PPFIA2: variants seen among roughly 807,000 people sequenced by gnomAD.
PPFIA2 encodes the protein liprin-alpha-2.
A neutral mutation model predicts 175.5 loss-of-function variants in PPFIA2; 46 were observed. That is an observed-to-expected ratio of 0.26 (90% CI 0.21 to 0.34). The LOEUF is 0.34. PPFIA2 is among the 10% of genes least tolerant of loss of function. The pLI, the probability that PPFIA2 is intolerant of heterozygous loss-of-function variation, is 1.00. For missense variants in PPFIA2, 1,179 were observed against 1,506.1 expected (o/e 0.78, Z 3.60); for synonymous variants, 568 against 511.4 (o/e 1.11, Z -1.49).
chr12:81,708,033 G>T (rs897948110), intron 3 of PPFIA2, among the ~76,000 whole-genome samples: 6 of 109,612 alleles, frequency 5.5e-5, no homozygotes, highest in Non-Finnish European at 1.1e-4. Flanking sequence ...GGGGTGGGGG[G>T]AGGGGGGAGG....
intron 5 of PPFIA2, among the ~76,000 whole-genome samples, chr12:81,450,665 T>C (rs2052383236): frequency 6.6e-6 from 1 of 152,236 alleles, no homozygotes; most frequent in South Asian, 2.1e-4. Flanking sequence ...TTGTCAATTT[T>C]GGCTTTTGTT....
chr12:81,586,213 A>G (rs1472819676), intron 4 of PPFIA2, among the ~76,000 whole-genome samples: 1 of 152,016 alleles, frequency 6.6e-6, no homozygotes, highest in Non-Finnish European at 1.5e-5. Context: ...CTTCACCAAA[A>G]TAATTACAAT....
intron 23 of PPFIA2, chr12:81,296,584 A>C (rs573264275): frequency 6.7e-6 from 1 of 148,834 alleles, no homozygotes; most frequent in Non-Finnish European, 1.5e-5. Flanking sequence ...TTTGTTTTTG[A>C]ATGTCCAAAA....
At chr12:81,575,169 G>A (rs141748956) in intron 4 of PPFIA2, among the ~76,000 whole-genome samples, 56 of 151,876 alleles carry the variant, frequency 3.7e-4, no homozygotes, top group East Asian at 3.5e-3. Context: ...GTAAATGCAC[G>A]TTTAATCATT....
chr12:81,393,025 C>A (rs2040437994), intron 8 of PPFIA2, among the ~76,000 whole-genome samples: 1 of 152,028 alleles, frequency 6.6e-6, no homozygotes, highest in African/African-American at 2.4e-5. Context: ...CTGTAACAAT[C>A]TTGTAACTGG....
chr12:81,512,369 A>G (rs998395165), intron 4 of PPFIA2: 50 of 1,288,138 alleles, frequency 3.9e-5, no homozygotes, highest in Non-Finnish European at 5.1e-5. Flanking sequence ...AATTACTTAC[A>G]TTCTCTGAGC....
chr12:81,411,731 C>T (rs773525128), intron 7 of PPFIA2, among the ~76,000 whole-genome samples: 1 of 151,966 alleles, frequency 6.6e-6, no homozygotes, highest in African/African-American at 2.4e-5. Flanking sequence ...ACATACCAGG[C>T]GTTAGGGAAA....
chr12:81,350,469 G>A (rs2059824699), intron 17 of PPFIA2: 1 of 152,098 alleles, frequency 6.6e-6, no homozygotes, highest in Admixed American at 6.6e-5. Flanking sequence ...AGCTGTCCAT[G>A]GTGAGTAAGG....
chr12:81,606,507 C>T lies in PPFIA2; in HGVS notation c.303+70284G>A, dbSNP rs575781279. On this transcript the variant is annotated intron_variant, in intron 4 of 32. Transcript: ENST00000549396. ...TTGTTTCCTGGCTTTGTAGTAATAGCGATTTTGCCTGGTGTGAGATAGTAT... is the reference window on the plus strand; with the variant it reads ...TTGTTTCCTGGCTTTGTAGTAATAGTGATTTTGCCTGGTGTGAGATAGTAT... Among the ~76,000 whole-genome samples the T allele has an allele frequency of 4.6e-5, 7 of 152,110 alleles. No individual in the cohort carries two copies. In the South Asian group the frequency reaches 1.0e-3, roughly 23 times the overall value.
chr12:81,652,722 T>C (rs550356740), intron 4 of PPFIA2, among the ~76,000 whole-genome samples: 47 of 152,226 alleles, frequency 3.1e-4, no homozygotes, highest in African/African-American at 9.6e-4. Context: ...TCCTCCCATC[T>C]TTCTACTTGC....
At chr12:81,653,224 A>G (rs1435950778) in intron 4 of PPFIA2, among the ~76,000 whole-genome samples, 1 of 151,880 alleles carries the variant, frequency 6.6e-6, no homozygotes, top group African/African-American at 2.4e-5. Flanking sequence ...CACTTCCATC[A>G]TTTTCCATAG....
intron 4 of PPFIA2, among the ~76,000 whole-genome samples, chr12:81,639,531 T>C (rs1595885222): frequency 1.3e-5 from 2 of 149,208 alleles, no homozygotes; most frequent in East Asian, 2.4e-4. Context: ...ACAAAGAACA[T>C]CTACTCGGTA....
intron 4 of PPFIA2, among the ~76,000 whole-genome samples, chr12:81,509,697 C>T (rs1567127110): frequency 6.6e-6 from 1 of 151,824 alleles, no homozygotes; most frequent in African/African-American, 2.4e-5. Flanking sequence ...CACCTCTACT[C>T]ACTTCTACAA....
At chr12:81,614,664 TC>T (rs2061271198) in intron 4 of PPFIA2, among the ~76,000 whole-genome samples, 1 of 152,132 alleles carries the variant, frequency 6.6e-6, no homozygotes, top group Non-Finnish European at 1.5e-5. Flanking sequence ...TTTTACTTTT[TC>T]CAAGAATTTT....
At chr12:81,657,436 C>T (rs1233291514) in intron 4 of PPFIA2, among the ~76,000 whole-genome samples, 1 of 152,120 alleles carries the variant, frequency 6.6e-6, no homozygotes, top group Non-Finnish European at 1.5e-5. Flanking sequence ...CGTCCTGTTG[C>T]CTCGGGCTAT....
chr12:81,616,416 A>G (rs1368834890), intron 4 of PPFIA2, among the ~76,000 whole-genome samples: 5 of 152,170 alleles, frequency 3.3e-5, no homozygotes, highest in African/African-American at 1.2e-4. Context: ...GTATATTATT[A>G]ATTAAAATGA....
At chr12:81,573,849 G>A (rs1053794181) in intron 4 of PPFIA2, among the ~76,000 whole-genome samples, 2 of 151,718 alleles carry the variant, frequency 1.3e-5, no homozygotes, top group African/African-American at 4.8e-5. Context: ...CGACTCCAAG[G>A]TCCTACTGTG....
At chr12:81,542,123 T>C (rs780710702) in intron 4 of PPFIA2, among the ~76,000 whole-genome samples, 50 of 151,742 alleles carry the variant, frequency 3.3e-4, no homozygotes, top group Non-Finnish European at 4.1e-4. Flanking sequence ...TTGAGAAGAG[T>C]TTATTCTGGT....
chr12:81,724,843 C>T (rs1051021507), intron 3 of PPFIA2, among the ~76,000 whole-genome samples: 2 of 150,878 alleles, frequency 1.3e-5, no homozygotes, highest in African/African-American at 4.9e-5. Context: ...GGGTAGATAG[C>T]CAGTGGTGGG....
Sources: allele counts gnomAD v4.1 joint callset (sites outside exome capture counted in the v4.1 genomes callset), GRCh38; gene constraint gnomAD v4.1.1; transcripts MANE v1.5; gene names NCBI Gene and HGNC (gene_info 2026-07-23, HGNC 2026-07-21).